The following EVI5 variants were observed in gnomAD, a reference collection of about 807,000 sequenced individuals.
The protein encoded by EVI5 is ecotropic viral integration site 5, also known as ecotropic viral integration site 5 protein homolog.
A neutral mutation model predicts 112.0 loss-of-function variants in EVI5; 73 were observed. That is an observed-to-expected ratio of 0.65 (90% CI 0.54 to 0.79). The LOEUF is 0.79. EVI5 is among the 30% of genes least tolerant of loss of function. The pLI is 0.00. For missense variants in EVI5, 900 were observed against 968.8 expected (o/e 0.93, Z 0.94); for synonymous variants, 305 against 319.9 (o/e 0.95, Z 0.50).
intron 18 of EVI5, among the ~76,000 whole-genome samples, chr1:92,604,354 CA>C (rs60176029): frequency 0.024 from 2,662 of 112,300 alleles, 70 homozygotes; most frequent in African/African-American, 0.079. Flanking sequence ...GATCCTGCCT[CA>C]AAAAAAAAAA....
chr1:92,689,670 C>A (rs1240258085), intron 9 of EVI5, among the ~76,000 whole-genome samples: 1 of 151,992 alleles, frequency 6.6e-6, no homozygotes, highest in Non-Finnish European at 1.5e-5. Flanking sequence ...CACGTGGCCA[C>A]AATAAGAACT....
chr1:92,589,990 T>C (rs1186001297), intron 18 of EVI5, among the ~76,000 whole-genome samples: 2 of 152,206 alleles, frequency 1.3e-5, no homozygotes, highest in Admixed American at 1.3e-4. Context: ...CCGCTGCTGA[T>C]ATACAGGCAA....
intron 9 of EVI5, among the ~76,000 whole-genome samples, chr1:92,682,687 G>T (rs1446263935): frequency 6.6e-6 from 1 of 152,038 alleles, no homozygotes; most frequent in African/African-American, 2.4e-5. Context: ...CTTGGAGGAG[G>T]TTGCAATGAG....
At chr1:92,607,763 T>C in intron 16 of EVI5, 36 bp from the exon 17 acceptor site, 1 of 1,463,656 alleles carries the variant, frequency 6.8e-7, no homozygotes, top group Non-Finnish European at 9.2e-7. Flanking sequence ...AGACTATAGA[T>C]ACAAGACCTA....
chr1:92,711,771 G>A (rs952155083), intron 2 of EVI5, among the ~76,000 whole-genome samples: 4 of 152,208 alleles, frequency 2.6e-5, no homozygotes, highest in Non-Finnish European at 5.9e-5. Flanking sequence ...CAACTTGCCA[G>A]GTAAAAGAAT....
chr1:92,649,597 C>T (rs555130876), intron 13 of EVI5, among the ~76,000 whole-genome samples: 2 of 152,202 alleles, frequency 1.3e-5, no homozygotes, highest in East Asian at 3.9e-4. Context: ...AGGCAGATCG[C>T]TTGAGTTCAG....
intron 19 of EVI5, among the ~76,000 whole-genome samples, chr1:92,518,409 C>G (rs997344262): frequency 4.6e-5 from 7 of 152,000 alleles, no homozygotes; most frequent in Admixed American, 1.3e-4. Flanking sequence ...AATAGAGGCA[C>G]CAGCACTCTC....
intron 5 of EVI5, 83 bp downstream of exon 5, chr1:92,702,058 A>C (rs1038948502): frequency 8.8e-6 from 6 of 680,582 alleles, no homozygotes; most frequent in Middle Eastern, 3.6e-4. Context: ...ACTTACATTT[A>C]ATAAAACAAA....
intron 1 of EVI5, among the ~76,000 whole-genome samples, chr1:92,748,374 C>T (rs964329644): frequency 5.9e-5 from 9 of 152,132 alleles, no homozygotes; most frequent in Non-Finnish European, 1.3e-4. Context: ...TGATTCTAGG[C>T]CCTAAGTGAA....
At chr1:92,568,285 C>T (rs555523095) in intron 18 of EVI5, among the ~76,000 whole-genome samples, 2 of 146,542 alleles carry the variant, frequency 1.4e-5, no homozygotes, top group South Asian at 2.2e-4. Flanking sequence ...GTAAGGCGGG[C>T]GGATTGCTTG....
intron 16 of EVI5, among the ~76,000 whole-genome samples, chr1:92,612,523 A>G (rs1368912224): frequency 1.3e-5 from 2 of 152,002 alleles, no homozygotes; most frequent in African/African-American, 4.8e-5. Context: ...AGCCTGGCCA[A>G]TATGGTGAAA....
chr1:92,674,934 C>T (rs1248308194), intron 10 of EVI5, among the ~76,000 whole-genome samples: 2 of 152,028 alleles, frequency 1.3e-5, no homozygotes, highest in Non-Finnish European at 2.9e-5. Flanking sequence ...CTCTTTTTTC[C>T]GATTCTTCTC....
intron 11 of EVI5, among the ~76,000 whole-genome samples, chr1:92,664,653 G>C (rs1664578357): frequency 6.6e-6 from 1 of 152,160 alleles, no homozygotes; most frequent in Non-Finnish European, 1.5e-5. Context: ...GAGAAAAACA[G>C]GGAAACTATT....
upstream of EVI5, among the ~76,000 whole-genome samples, chr1:92,787,817 G>T (rs1360889222): frequency 2.0e-5 from 3 of 151,866 alleles, no homozygotes; most frequent in Non-Finnish European, 2.9e-5. Context: ...GATTTTTACT[G>T]CATGCCCAAA....
intron 19 of EVI5, among the ~76,000 whole-genome samples, chr1:92,532,968 A>T (rs1278449251): frequency 6.6e-6 from 1 of 150,812 alleles, no homozygotes; most frequent in African/African-American, 2.4e-5. Flanking sequence ...AGACACAAAA[A>T]ACCCTTCAAA....
intron 18 of EVI5, among the ~76,000 whole-genome samples, chr1:92,568,219 A>T (rs1049655619): frequency 3.3e-5 from 5 of 151,590 alleles, no homozygotes; most frequent in South Asian, 2.1e-4. Context: ...CAAAAACATT[A>T]AAAAAAATTA....
intron 19 of EVI5, among the ~76,000 whole-genome samples, chr1:92,557,870 G>A (rs1372922987): frequency 2.0e-5 from 3 of 150,634 alleles, no homozygotes; most frequent in East Asian, 2.0e-4. Context: ...GACTACAGGC[G>A]CGCACCACCA....
At chr1:92,643,176 A>C (rs1431998654) in intron 13 of EVI5, among the ~76,000 whole-genome samples, 1 of 152,074 alleles carries the variant, frequency 6.6e-6, no homozygotes, top group African/African-American at 2.4e-5. Flanking sequence ...ACTCATATGG[A>C]GCATGTAAAA....
chr1:92,747,728 CA>C (rs56198225), intron 1 of EVI5, among the ~76,000 whole-genome samples: 2 of 128,122 alleles, frequency 1.6e-5, no homozygotes, highest in African/African-American at 2.9e-5. Context: ...AAAAAAAAAA[CA>C]AAAAAAAAAA....
Sources: gnomAD v4.1 joint callset for allele counts (sites outside exome capture counted in the v4.1 genomes callset) on GRCh38, gnomAD v4.1.1 for gene constraint, MANE v1.5 for transcripts, NCBI Gene and HGNC (gene_info 2026-07-23, HGNC 2026-07-21) for gene names.